CLIC1: variants seen among roughly 807,000 people sequenced by gnomAD.
CLIC1 encodes the protein CLIC family member 1.
A neutral mutation model predicts 26.4 loss-of-function variants in CLIC1; 16 were observed. The observed-to-expected ratio is 0.61, with a 90% CI of 0.41 to 0.92. The LOEUF (loss-of-function observed/expected upper bound fraction) is 0.92. CLIC1 is among the 40% of genes least tolerant of loss of function. The pLI, the probability that CLIC1 is intolerant of heterozygous loss-of-function variation, is 0.00. For missense variants in CLIC1, 225 were observed against 289.7 expected (o/e 0.78, Z 1.62); for synonymous variants, 98 against 120.8 (o/e 0.81, Z 1.24).
rs1171893553 is a variant in CLIC1, at chr6:31,733,199, C to A, written c.382+367G>T. Among the ~76,000 whole-genome samples the A allele has an allele frequency of 3.3e-5, 5 of 152,128 alleles. No individual in the cohort carries two copies. In the South Asian group the frequency reaches 8.3e-4, roughly 25 times the overall value. On this transcript the variant is annotated intron_variant, in intron 4 of 5. Coordinates refer to ENST00000375784, the Ensembl canonical transcript of CLIC1. This position sits in a 1 kb window ranked among gnomAD's most constrained non-coding sequence, Gnocchi z 5.4. The stretch of plus-strand genomic sequence containing the variant: ...CTAATTTTGTGGATCTGGAAATGGA[C>A]TTACAGAGAGGTGAAATGATTGCTC...
Position 31,733,510 on chromosome 6 carries a change from C to A in CLIC1, c.382+56G>T. ...TCCAGGTGCCCCTAATGTCTCCTAC[C>A]CGCTGGGTCCTCTCTATTCCTCCCA... On this transcript the variant is annotated intron_variant, in intron 4 of 5. Transcript: ENST00000375784. The surrounding 1 kb of genome is among the most constrained non-coding windows in gnomAD (Gnocchi z 5.4). 7.7e-7 allele frequency: 1 copy of A among 1,303,980 alleles called. No homozygotes were observed. Among genetic ancestry groups the A allele is most frequent in the Non-Finnish European group, 1.1e-6 (1 of 902,380 alleles). 80.8% of individuals were successfully genotyped at this position (1,303,980 alleles called of 1,614,324 possible). A position where few individuals can be genotyped will look rare whatever the true frequency, so the allele number is the denominator to read the frequency against.
At chr6:31,731,087 TAAAACC>T in intron 5 of CLIC1, 84 bp from the exon 6 acceptor site, 1 of 1,217,788 alleles carries the variant, frequency 8.2e-7, no homozygotes, top group East Asian at 2.5e-5. Context: ...GCCGACATGA[TAAAACC>T]AGCTCAACTC....
Position 31,736,180 on chromosome 6 carries a change from T to C in CLIC1, c.39+82A>G, listed in dbSNP as rs1808317587. On this transcript the variant is annotated intron_variant, in intron 1 of 5. Coordinates refer to ENST00000375784, the Ensembl canonical transcript of CLIC1. The surrounding 1 kb of genome is among the most constrained non-coding windows in gnomAD (Gnocchi z 5.0). ...GGGTGGGAGTCAAGGAGGGAAGGGATTGGGGAGTTAAGGCTGGACCGGGGG... is the reference window on the plus strand; with the variant it reads ...GGGTGGGAGTCAAGGAGGGAAGGGACTGGGGAGTTAAGGCTGGACCGGGGG... 7.2e-5 allele frequency: 102 copies of C among 1,418,832 alleles called. 2 individuals are homozygous for C. In the South Asian group the frequency reaches 1.0e-3, roughly 14 times the overall value. The allele number at this position is 1,418,832 out of a possible 1,614,324, so 87.9% of individuals were successfully genotyped here.
upstream of CLIC1, chr6:31,737,062 G>C (rs773541201): frequency 4.7e-6 from 2 of 429,048 alleles, no homozygotes; most frequent in South Asian, 9.8e-5. Flanking sequence ...GCAGTCTACT[G>C]TCTCCGGGCC....
chr6:31,734,098 T>C lies in CLIC1; in HGVS notation c.149+56A>G. Reference sequence around the variant, plus strand: ...CATGACAGAAGGACTCGGGTGGGTGTGTGTTTGCACACATGTGTACACCAG... The same window carrying C: ...CATGACAGAAGGACTCGGGTGGGTGCGTGTTTGCACACATGTGTACACCAG... On this transcript the variant is annotated intron_variant, in intron 2 of 5. Transcript: ENST00000375784. This position sits in a 1 kb window ranked among gnomAD's most constrained non-coding sequence, Gnocchi z 5.3. 1.3e-6 allele frequency: 2 copies of C among 1,584,176 alleles called. No individual in the cohort carries two copies. Among genetic ancestry groups the C allele is most frequent in the Non-Finnish European group, 1.7e-6 (2 of 1,153,100 alleles).
At chr6:31,736,851 C>T (rs1224514940), upstream of CLIC1, 3 of 986,224 alleles carry the variant, frequency 3.0e-6, no homozygotes, top group African/African-American at 1.7e-5. This position sits in a 1 kb window ranked among gnomAD's most constrained non-coding sequence, Gnocchi z 5.0. Context: ...GAAAGGTGGT[C>T]GTTTAATCAT....
chr6:31,730,837 G>A lies in CLIC1; in HGVS notation c.*5C>T, dbSNP rs747552427. The A allele has an allele frequency of 4.3e-6, 7 of 1,613,004 alleles. No individual in the cohort carries two copies. The highest frequency in any genetic ancestry group is 5.1e-6 in the Non-Finnish European group (6 of 1,179,982). ...GGAGGGGGTTGAGGGAGTCCCAGGA[G>A]GGGCTTATTTGAGGGCCTTTGCCAC... On this transcript the variant is annotated 3_prime_UTR_variant, in exon 6 of 6. Transcript: ENST00000375784. The surrounding 1 kb of genome is among the most constrained non-coding windows in gnomAD (Gnocchi z 5.1).
Position 31,736,553 on chromosome 6 carries a change from C to G in CLIC1, c.-253G>C. 7.4e-7 allele frequency: 1 copy of G among 1,354,600 alleles called. No homozygotes were observed. Among genetic ancestry groups the G allele is most frequent in the Non-Finnish European group, 9.5e-7 (1 of 1,052,116 alleles). The allele number at this position is 1,354,600 out of a possible 1,614,324, so 83.9% of individuals were successfully genotyped here. A position where few individuals can be genotyped will look rare whatever the true frequency, so the allele number is the denominator to read the frequency against. ...GAGAGCCGCTGACTCACCGACCGGC[C>G]CCGCCCTGAACCTGGGGAGGGGACT... On this transcript the variant is annotated 5_prime_UTR_variant, in exon 1 of 6. Transcript: ENST00000375784. The surrounding 1 kb of genome is among the most constrained non-coding windows in gnomAD (Gnocchi z 5.0).
upstream of CLIC1, chr6:31,736,928 C>G: frequency 1.0e-6 from 1 of 985,660 alleles, no homozygotes. The surrounding 1 kb of genome is among the most constrained non-coding windows in gnomAD (Gnocchi z 5.0). Context: ...GAGAAGAACT[C>G]GGAAGTGGAA....
Position 31,734,036 on chromosome 6 carries a change from G to T in CLIC1, c.150-75C>A. On this transcript the variant is annotated intron_variant, in intron 2 of 5. Transcript: ENST00000375784. This position sits in a 1 kb window ranked among gnomAD's most constrained non-coding sequence, Gnocchi z 5.3. Reference sequence around the variant, plus strand: ...CAGAAAGGGGGAATGGAGGACGTGGGATAAGAAAGGGACTCCAGGGGGAGG... The same window carrying T: ...CAGAAAGGGGGAATGGAGGACGTGGTATAAGAAAGGGACTCCAGGGGGAGG... 6.3e-7 allele frequency: 1 copy of T among 1,596,656 alleles called. No homozygotes were observed. The highest frequency in any genetic ancestry group is 8.6e-7 in the Non-Finnish European group (1 of 1,167,896).
At chr6:31,731,766 C>T (rs1399152198) in intron 5 of CLIC1, among the ~76,000 whole-genome samples, 1 of 152,154 alleles carries the variant, frequency 6.6e-6, no homozygotes, top group East Asian at 1.9e-4. Context: ...ATGTCAGGCC[C>T]ATGTTGCACA....
rs760437456 is a variant in CLIC1 at position 31,732,190 on chromosome 6, T to C, written c.564+27A>G. On this transcript the variant is annotated intron_variant, in intron 5 of 5. Transcript: ENST00000375784. The surrounding 1 kb of genome is among the most constrained non-coding windows in gnomAD (Gnocchi z 5.0). Reference sequence around the variant, plus strand: ...CCTTAAAGGGCCACTCCAGTGGTCATCCTCTCCTCCCGCAATAACCACACA... The same window carrying C: ...CCTTAAAGGGCCACTCCAGTGGTCACCCTCTCCTCCCGCAATAACCACACA... 7.0e-7 allele frequency: 1 copy of C among 1,419,702 alleles called. No homozygotes were observed. Among genetic ancestry groups the C allele is most frequent in the African/African-American group, 1.5e-5 (1 of 68,348 alleles). 87.9% of individuals were successfully genotyped at this position (1,419,702 alleles called of 1,614,324 possible). A position where few individuals can be genotyped will look rare whatever the true frequency, so the allele number is the denominator to read the frequency against.
rs1808171210 is a variant in CLIC1, at chr6:31,734,036, G to A, written c.150-75C>T. 7.5e-6 allele frequency: 12 copies of A among 1,596,536 alleles called. No homozygotes were observed. The South Asian group carries it at 1.2e-4, about 16-fold the overall frequency. On this transcript the variant is annotated intron_variant, in intron 2 of 5. Coordinates refer to ENST00000375784, the Ensembl canonical transcript of CLIC1. The surrounding 1 kb of genome is among the most constrained non-coding windows in gnomAD (Gnocchi z 5.3). ...CAGAAAGGGGGAATGGAGGACGTGG[G>A]ATAAGAAAGGGACTCCAGGGGGAGG...
chr6:31,736,674 C>T, upstream of CLIC1: 2 of 1,090,170 alleles, frequency 1.8e-6, no homozygotes, highest in East Asian at 1.1e-4. This position sits in a 1 kb window ranked among gnomAD's most constrained non-coding sequence, Gnocchi z 5.0. Context: ...AGGAGGAGTC[C>T]TGAAAACCTC....
chr6:31,732,176 C>T lies in CLIC1; in HGVS notation c.564+41G>A, dbSNP rs774942957. On this transcript the variant is annotated intron_variant, in intron 5 of 5. Transcript: ENST00000375784. The surrounding 1 kb of genome is among the most constrained non-coding windows in gnomAD (Gnocchi z 5.0). ...CCCATGTGGGAGCTCCTTAAAGGGC[C>T]ACTCCAGTGGTCATCCTCTCCTCCC... is the stretch of plus-strand genomic sequence containing the variant. The T allele has an allele frequency of 1.9e-5, 26 of 1,374,992 alleles. No individual in the cohort carries two copies. The highest frequency in any genetic ancestry group is 2.4e-5 in the Non-Finnish European group (25 of 1,051,458). 85.2% of individuals were successfully genotyped at this position (1,374,992 alleles called of 1,614,324 possible).
chr6:31,736,454 A>G lies in CLIC1; in HGVS notation c.-154T>C, dbSNP rs544699724. ...GCTCAATCAGACCTACTTGCACCCA[A>G]ACTAGGCCTCCCCACCAGCCCAACG... On this transcript the variant is annotated 5_prime_UTR_variant, in exon 1 of 6. Transcript: ENST00000375784. The surrounding 1 kb of genome is among the most constrained non-coding windows in gnomAD (Gnocchi z 5.0). 7.6e-6 allele frequency: 11 copies of G among 1,438,748 alleles called. No individual in the cohort carries two copies. The African/African-American group carries it at 1.6e-4, about 20-fold the overall frequency. The allele number at this position is 1,438,748 out of a possible 1,614,324, so 89.1% of individuals were successfully genotyped here.
At chr6:31,737,095 G>C (rs1040629473), upstream of CLIC1, 2 of 225,070 alleles carry the variant, frequency 8.9e-6, no homozygotes, top group Non-Finnish European at 1.5e-5. Context: ...AGGACTTGCA[G>C]TCCTTGTGGC....
At chr6:31,731,511 A>G (rs1164034722) in intron 5 of CLIC1, among the ~76,000 whole-genome samples, 1 of 152,242 alleles carries the variant, frequency 6.6e-6, no homozygotes, top group African/African-American at 2.4e-5. Context: ...CATGTTGGCC[A>G]GGCTGGTCTC....
intron 1 of CLIC1, among the ~76,000 whole-genome samples, chr6:31,735,650 TG>T (rs1348280937): frequency 2.0e-5 from 3 of 151,950 alleles, no homozygotes; most frequent in Non-Finnish European, 4.4e-5. Context: ...TCCCCAGTCC[TG>T]GGGATATTCA....
Sources: allele counts gnomAD v4.1 joint callset (sites outside exome capture counted in the v4.1 genomes callset), GRCh38; gene constraint gnomAD v4.1.1; non-coding constraint Gnocchi (gnomAD v3.1); transcripts MANE v1.5; gene names NCBI Gene and HGNC (gene_info 2026-07-23, HGNC 2026-07-21).